Variants in NEK5 observed in about 807,000 individuals in gnomAD.
NEK5 encodes the protein NIMA related kinase 5, also known as serine/threonine-protein kinase Nek5.
In NEK5, 88 loss-of-function variants were observed where a neutral mutation model predicts 109.2. The ratio of observed to expected loss-of-function variants is 0.81; its 90% CI spans 0.68 to 0.96. The LOEUF (loss-of-function observed/expected upper bound fraction) is 0.96, where lower values mean the gene tolerates loss of function less well. NEK5 is among the 40% of genes least tolerant of loss of function. The pLI, the probability that NEK5 is intolerant of heterozygous loss-of-function variation, is 0.00. For synonymous variants in NEK5, 283 were observed against 299.9 expected, an observed-to-expected ratio of 0.94 and a Z score of 0.58; for missense variants, 834 against 920.7, an observed-to-expected ratio of 0.91 and a Z score of 1.22.
intron 23 of NEK5, among the ~76,000 whole-genome samples, chr13:52,040,797 C>A (rs1319231310): frequency 6.6e-6 from 1 of 152,074 alleles, no homozygotes; most frequent in African/African-American, 2.4e-5. Flanking sequence ...GTATTACCAC[C>A]CCTTAATGTT....
rs764593995 is a variant in NEK5, at chr13:52,127,317, C to T, written c.117+49G>A. ...TTCCTTTTTATATTGGATTAAAAGC[C>T]AGCTGAATATCCCACTGAAAATTAA... On this transcript the variant is annotated intron_variant, in intron 3 of 23. Coordinates refer to ENST00000684899, the MANE Select transcript of NEK5 (RefSeq NM_001365552.1). 6 of 933,846 alleles carry T rather than the reference C, an allele frequency of 6.4e-6. No homozygotes were observed. The East Asian group carries it at 1.2e-4, about 19-fold the overall frequency. The allele number at this position is 933,846 out of a possible 1,614,324, so 57.8% of individuals were successfully genotyped here.
chr13:52,086,289 C>T lies in NEK5; in HGVS notation c.1467G>A (p.Gly489=). 2 of 1,600,286 alleles carry T rather than the reference C, an allele frequency of 1.2e-6. No individual in the cohort carries two copies. The highest frequency in any genetic ancestry group is 8.6e-7 in the Non-Finnish European group (1 of 1,167,384). The change falls in exon 16 of 24, where the codon GGG becomes GGA. Residue 489 remains glycine, a synonymous_variant. Coordinates refer to ENST00000684899, the MANE Select transcript of NEK5 (RefSeq NM_001365552.1). ...AGAATGAATTTACCTCTGGTTCTCT[C>T]CCCATCTTCTTTCTAATTTCTTTCA... ...NDMKEIRKKM[G]REPEENSKIS... is the part of the protein sequence containing the mutation.
At chr13:52,065,650 A>G (rs1260030427) in intron 20 of NEK5, 41 bp from the exon 21 acceptor site, 1 of 1,420,184 alleles carries the variant, frequency 7.0e-7, no homozygotes, top group Non-Finnish European at 9.9e-7. Flanking sequence ...AAAGCAGTCA[A>G]AGTGTGACTA....
In NEK5 at chr13:52,089,330, G is replaced by A. The variant is rs1389717712; in HGVS notation, c.1209-17C>T. The A allele has an allele frequency of 1.3e-6, 2 of 1,556,774 alleles. No individual in the cohort carries two copies. The highest frequency in any genetic ancestry group is 1.4e-5 in the African/African-American group (1 of 73,718). On this transcript the variant is annotated splice_polypyrimidine_tract_variant and intron_variant, in intron 13 of 23. Coordinates refer to ENST00000684899, the MANE Select transcript of NEK5 (RefSeq NM_001365552.1). Reference sequence around the variant, plus strand: ...TCAGCAGGCCTTAGAAAATAAGAATGTTCAGCTTAAGTAGAAACTTGAACA... The same window carrying A: ...TCAGCAGGCCTTAGAAAATAAGAATATTCAGCTTAAGTAGAAACTTGAACA...
intron 22 of NEK5, among the ~76,000 whole-genome samples, chr13:52,053,312 A>C (rs1954524637): frequency 6.6e-6 from 1 of 152,156 alleles, no homozygotes; most frequent in African/African-American, 2.4e-5. Flanking sequence ...AAATAAAATA[A>C]AAAATAAAGT....
chr13:52,065,287 G>T, intron 21 of NEK5, 197 bp downstream of exon 21: 4 of 756,014 alleles, frequency 5.3e-6, no homozygotes, highest in South Asian at 4.6e-5. Flanking sequence ...CATGTCTAGA[G>T]TGGTCATTTG....
chr13:52,044,828 G>C (rs1349464785), intron 23 of NEK5, among the ~76,000 whole-genome samples: 3 of 152,162 alleles, frequency 2.0e-5, no homozygotes, highest in Admixed American at 2.0e-4. Flanking sequence ...GACACAGACA[G>C]TATGAAACGA....
At chr13:52,126,547 G>A (rs1269145478) in intron 3 of NEK5, among the ~76,000 whole-genome samples, 1 of 152,182 alleles carries the variant, frequency 6.6e-6, no homozygotes, top group Non-Finnish European at 1.5e-5. Context: ...GGAGGCCAAG[G>A]CGGGCAGATC....
intron 23 of NEK5, among the ~76,000 whole-genome samples, chr13:52,040,426 TAGA>T (rs1954404113): frequency 6.6e-6 from 1 of 152,084 alleles, no homozygotes; most frequent in African/African-American, 2.4e-5. Context: ...CCTCTAGAAC[TAGA>T]AGAAGTATAT....
At chr13:52,043,249 G>C (rs1434853285) in intron 23 of NEK5, among the ~76,000 whole-genome samples, 2 of 151,928 alleles carry the variant, frequency 1.3e-5, no homozygotes, top group African/African-American at 2.4e-5. Context: ...AATTTTTAAA[G>C]TGATTAAGGC....
intron 12 of NEK5, among the ~76,000 whole-genome samples, chr13:52,094,856 A>C (rs1203051988): frequency 6.6e-6 from 1 of 152,232 alleles, no homozygotes; most frequent in African/African-American, 2.4e-5. Flanking sequence ...TATTTAAGTA[A>C]ATGTATAAAA....
intron 4 of NEK5, among the ~76,000 whole-genome samples, chr13:52,115,089 T>G (rs1481372288): frequency 6.6e-6 from 1 of 151,234 alleles, no homozygotes; most frequent in Non-Finnish European, 1.5e-5. Flanking sequence ...CTCGGCTCAC[T>G]GCAAGCTCCG....
chr13:52,049,584 A>G (rs573218899), intron 23 of NEK5, among the ~76,000 whole-genome samples: 20 of 152,144 alleles, frequency 1.3e-4, no homozygotes, highest in Middle Eastern at 6.8e-3. Flanking sequence ...GGGGTGTCCA[A>G]TCTTTTGGCT....
intron 18 of NEK5, 54 bp downstream of exon 18, chr13:52,076,006 AGGT>A: frequency 8.8e-7 from 1 of 1,132,566 alleles, no homozygotes; most frequent in Non-Finnish European, 1.3e-6. Context: ...CGAGATCACA[AGGT>A]GGCTCCCCAG....
chr13:52,066,879 A>T (rs1165858850), intron 20 of NEK5, among the ~76,000 whole-genome samples: 2 of 151,270 alleles, frequency 1.3e-5, no homozygotes, highest in Middle Eastern at 3.4e-3. Flanking sequence ...ACTCTTTTTT[A>T]AAAAATTTAT....
intron 3 of NEK5, among the ~76,000 whole-genome samples, chr13:52,119,872 T>C (rs1028862964): frequency 2.6e-5 from 4 of 152,218 alleles, no homozygotes; most frequent in Non-Finnish European, 5.9e-5. Flanking sequence ...ACTACATTTT[T>C]CATTTTCAAA....
At chr13:52,109,537 C>G (rs1364556332) in intron 7 of NEK5, among the ~76,000 whole-genome samples, 1 of 151,974 alleles carries the variant, frequency 6.6e-6, no homozygotes, top group African/African-American at 2.4e-5. Context: ...GAAGAAAATT[C>G]CCTTCTTTTT....
In NEK5 at chr13:52,036,883, CTT is replaced by C. The variant is rs1954365175; in HGVS notation, c.*63_*64del. The C allele has an allele frequency of 1.3e-6, 1 of 783,368 alleles. No individual in the cohort carries two copies. The highest frequency in any genetic ancestry group is 6.3e-5 in the Admixed American group (1 of 16,000). The allele number at this position is 783,368 out of a possible 1,614,324, so 48.5% of individuals were successfully genotyped here. On this transcript the variant is annotated 3_prime_UTR_variant, in exon 24 of 24. Transcript: ENST00000684899. ...CCTTACAGTAAATGAGCATTTATGACTTGTACCCAAATAAATACTATAGGTAA... is the reference window on the plus strand; with the variant it reads ...CCTTACAGTAAATGAGCATTTATGACGTACCCAAATAAATACTATAGGTAA...
chr13:52,056,061 T>G (rs1322738957), intron 22 of NEK5, among the ~76,000 whole-genome samples: 1 of 152,074 alleles, frequency 6.6e-6, no homozygotes, highest in East Asian at 1.9e-4. Context: ...CCATCTCACA[T>G]GCAGAGACAC....
Sources: allele counts gnomAD v4.1 joint callset (sites outside exome capture counted in the v4.1 genomes callset), GRCh38; gene constraint gnomAD v4.1.1; transcripts MANE v1.5; gene names NCBI Gene and HGNC (gene_info 2026-07-23, HGNC 2026-07-21).